The following MAP3K4 variants were observed in gnomAD, a reference collection of about 807,000 sequenced individuals.
The protein encoded by MAP3K4 is mitogen-activated protein kinase kinase kinase 4.
MAP3K4 carries 67 observed loss-of-function variants against 185.6 expected under a neutral mutation model. The ratio of observed to expected loss-of-function variants is 0.36; its 90% CI spans 0.30 to 0.44. MAP3K4 has a LOEUF of 0.44. MAP3K4 is among the 20% of genes least tolerant of loss of function. The pLI is 1.00. For missense variants in MAP3K4, 1,551 were observed against 1,995.1 expected, an observed-to-expected ratio of 0.78 and a Z score of 4.24; for synonymous variants, 702 against 710.4, an observed-to-expected ratio of 0.99 and a Z score of 0.19.
chr6:161,045,211 G>C (rs1419329239), intron 2 of MAP3K4, among the ~76,000 whole-genome samples: 1 of 151,896 alleles, frequency 6.6e-6, no homozygotes, highest in African/African-American at 2.4e-5. Context: ...AACCAACTTG[G>C]GTTTTGTTTT....
Position 161,060,183 on chromosome 6 carries a change from CTTT to C in MAP3K4, c.1707+10205_1707+10207del, listed in dbSNP as rs1329122198. On this transcript the variant is annotated intron_variant, in intron 3 of 26. Coordinates refer to ENST00000392142, the MANE Select transcript of MAP3K4 (RefSeq NM_005922.4). ...TCATTTCTTCTTCATTTATTAGCTT[CTTT>C]ATTATTCATTTCATTTATTAGATAT... Among the ~76,000 whole-genome samples the C allele has an allele frequency of 3.9e-5, 6 of 152,206 alleles. No homozygotes were observed. The East Asian group carries it at 1.2e-3, about 29-fold the overall frequency.
intron 3 of MAP3K4, among the ~76,000 whole-genome samples, chr6:161,068,544 G>A (rs1784802102): frequency 1.3e-5 from 2 of 152,190 alleles, no homozygotes; most frequent in Admixed American, 1.3e-4. Context: ...AGGGCTGTCA[G>A]TGAAGCATTG....
intron 1 of MAP3K4, among the ~76,000 whole-genome samples, chr6:160,999,897 A>C (rs535874390): frequency 1.1e-4 from 16 of 152,316 alleles, no homozygotes; most frequent in Middle Eastern, 3.4e-3. Context: ...ATCCTCTTAA[A>C]ACTCATCATC....
At position 161,070,695 on chromosome 6, in the gene MAP3K4, G is replaced by C. The variant is rs770742126; in HGVS notation, c.1795G>C (p.Val599Leu). The change falls in exon 4 of 27, where the codon GTG becomes CTG. Residue 599 changes from valine (V) to leucine (L), a missense_variant. This residue lies in a region of MAP3K4 where 86 missense variants were observed against 81.6 expected (regional missense o/e 1.05). Transcript: ENST00000392142. The surrounding 1 kb of genome is among the most constrained non-coding windows in gnomAD (Gnocchi z 4.5). ...TTCATCTGAGGAGAAATGCAGTGCT[G>C]TGTCGTGGGAGGAGCTGAAGGCCAT... ...PPSSEEKCSA[V>L]SWEELKAMDL... The C allele has an allele frequency of 3.1e-6, 5 of 1,614,148 alleles. No homozygotes were observed. Among genetic ancestry groups the C allele is most frequent in the Non-Finnish European group, 4.2e-6 (5 of 1,180,024 alleles).
intron 2 of MAP3K4, among the ~76,000 whole-genome samples, chr6:161,041,189 C>A (rs1783433121): frequency 6.6e-6 from 1 of 152,208 alleles, no homozygotes; most frequent in Admixed American, 6.5e-5. Context: ...CCTCCAGCAC[C>A]TGCCCAAGGA....
At chr6:161,113,616 G>C (rs893333761) in intron 25 of MAP3K4, among the ~76,000 whole-genome samples, 1 of 152,076 alleles carries the variant, frequency 6.6e-6, no homozygotes, top group Non-Finnish European at 1.5e-5. Context: ...CTGTGGGACA[G>C]GGAGGGGGAT....
At chr6:161,062,595 A>G (rs1262686114) in intron 3 of MAP3K4, among the ~76,000 whole-genome samples, 1 of 152,176 alleles carries the variant, frequency 6.6e-6, no homozygotes, top group Non-Finnish European at 1.5e-5. Context: ...ACAGTTTGCA[A>G]CATTTATACT....
At chr6:161,065,130 G>A (rs77527810) in intron 3 of MAP3K4, among the ~76,000 whole-genome samples, 4,998 of 152,200 alleles carry the variant, frequency 0.033, 271 homozygotes, top group African/African-American at 0.11. Context: ...TATAAGGCAG[G>A]TATCTGGATC....
intron 1 of MAP3K4, among the ~76,000 whole-genome samples, chr6:161,020,192 C>G (rs1434850108): frequency 6.6e-6 from 1 of 152,194 alleles, no homozygotes; most frequent in African/African-American, 2.4e-5. Context: ...GTGATAAATA[C>G]TAGGTCAATG....
chr6:161,007,643 C>G lies in MAP3K4; in HGVS notation c.152+15560C>G, dbSNP rs778576109. On this transcript the variant is annotated intron_variant, in intron 1 of 26. Transcript: ENST00000392142. This position sits in a 1 kb window ranked among gnomAD's most constrained non-coding sequence, Gnocchi z 4.5. ...ACCCAGACATGATCCTGTATAGCCTCTGAAAATCTGTAAAGGTTTTTCTCC... is the reference window on the plus strand; with the variant it reads ...ACCCAGACATGATCCTGTATAGCCTGTGAAAATCTGTAAAGGTTTTTCTCC... 6.6e-6 allele frequency among the ~76,000 whole-genome samples: 1 copy of G among 152,168 alleles called. No homozygotes were observed. Among genetic ancestry groups the G allele is most frequent in the Non-Finnish European group, 1.5e-5 (1 of 68,028 alleles).
At chr6:161,072,101 C>T (rs998218277) in intron 4 of MAP3K4, among the ~76,000 whole-genome samples, 17 of 152,176 alleles carry the variant, frequency 1.1e-4, no homozygotes, top group Non-Finnish European at 2.1e-4. Flanking sequence ...CAGTTACAAG[C>T]ACCTAAGTGA....
In MAP3K4 at chr6:161,106,441, T is replaced by G; in HGVS notation, c.3857-73T>G. Reference sequence around the variant, plus strand: ...AGTGCTAATATATATTGCTCTATTTTTATTGGTTTGTCTTTTGGAAACTGA... The same window carrying G: ...AGTGCTAATATATATTGCTCTATTTGTATTGGTTTGTCTTTTGGAAACTGA... On this transcript the variant is annotated intron_variant, in intron 19 of 26. Coordinates refer to ENST00000392142, the MANE Select transcript of MAP3K4 (RefSeq NM_005922.4). This position sits in a 1 kb window ranked among gnomAD's most constrained non-coding sequence, Gnocchi z 4.9. 9.2e-7 allele frequency: 1 copy of G among 1,084,480 alleles called. No homozygotes were observed. The highest frequency in any genetic ancestry group is 1.3e-6 in the Non-Finnish European group (1 of 745,708). 67.2% of individuals were successfully genotyped at this position (1,084,480 alleles called of 1,614,324 possible).
At chr6:161,018,609 T>C (rs1247247594) in intron 1 of MAP3K4, among the ~76,000 whole-genome samples, 1 of 152,160 alleles carries the variant, frequency 6.6e-6, no homozygotes, top group Non-Finnish European at 1.5e-5. Context: ...CAAAGTTTAA[T>C]CCTCTTTAAA....
intron 11 of MAP3K4, 37 bp downstream of exon 11, chr6:161,089,508 C>G (rs776719718): frequency 6.2e-7 from 1 of 1,606,660 alleles, no homozygotes; most frequent in African/African-American, 1.3e-5. Context: ...GAGATTTTTC[C>G]TTTTTGATGA....
intron 1 of MAP3K4, among the ~76,000 whole-genome samples, chr6:161,018,107 A>T (rs1171870420): frequency 6.6e-6 from 1 of 152,162 alleles, no homozygotes; most frequent in Non-Finnish European, 1.5e-5. Context: ...CCTATTCCAG[A>T]CTGTGTTGCG....
chr6:161,084,691 GA>G lies in MAP3K4; in HGVS notation c.2372+75del, dbSNP rs961901000. On this transcript the variant is annotated intron_variant, in intron 7 of 26. Transcript: ENST00000392142. The surrounding 1 kb of genome is among the most constrained non-coding windows in gnomAD (Gnocchi z 4.6). ...CTTCCTCATGGTGAGATCCTAGAAG[GA>G]GCCTTGTTCAAACCAAATTGTGTTG... is the stretch of plus-strand genomic sequence containing the variant. The G allele has an allele frequency of 1.1e-6, 1 of 921,004 alleles. No individual in the cohort carries two copies. The highest frequency in any genetic ancestry group is 1.6e-5 in the African/African-American group (1 of 61,606). 57.1% of individuals were successfully genotyped at this position (921,004 alleles called of 1,614,324 possible). A position where few individuals can be genotyped will look rare whatever the true frequency, so the allele number is the denominator to read the frequency against.
chr6:161,042,906 T>C (rs2114744094), intron 2 of MAP3K4, among the ~76,000 whole-genome samples: 1 of 59,326 alleles, frequency 1.7e-5, no homozygotes, highest in Non-Finnish European at 3.2e-5. Flanking sequence ...ATATGAGAAT[T>C]TGCACACACA....
rs1326913740 is a variant in MAP3K4 at position 161,007,969 on chromosome 6, A to G, written c.152+15886A>G. ...TTAAAATCAGTGAAGTATGGCCTTGACTCTTGCTTCTAATTAAACTTTTTA... is the reference window on the plus strand; with the variant it reads ...TTAAAATCAGTGAAGTATGGCCTTGGCTCTTGCTTCTAATTAAACTTTTTA... On this transcript the variant is annotated intron_variant, in intron 1 of 26. Coordinates refer to ENST00000392142, the MANE Select transcript of MAP3K4 (RefSeq NM_005922.4). This position sits in a 1 kb window ranked among gnomAD's most constrained non-coding sequence, Gnocchi z 4.5. 6.6e-6 allele frequency among the ~76,000 whole-genome samples: 1 copy of G among 152,136 alleles called. No individual in the cohort carries two copies. The highest frequency in any genetic ancestry group is 1.5e-5 in the Non-Finnish European group (1 of 68,016).
intron 1 of MAP3K4, among the ~76,000 whole-genome samples, chr6:161,005,876 C>A (rs1288126908): frequency 7.6e-6 from 1 of 132,272 alleles, no homozygotes; most frequent in African/African-American, 2.9e-5. Context: ...CAACCTCTGC[C>A]TCCGAGGTTC....
Sources: allele counts gnomAD v4.1 joint callset (sites outside exome capture counted in the v4.1 genomes callset), GRCh38; gene constraint gnomAD v4.1.1; regional missense constraint gnomAD v4.1.1; non-coding constraint Gnocchi (gnomAD v3.1); transcripts MANE v1.5; gene names NCBI Gene and HGNC (gene_info 2026-07-23, HGNC 2026-07-21).